Variants in BLTP1 observed in about 807,000 individuals in gnomAD.
BLTP1 encodes the protein bridge-like lipid transfer protein family member 1.
the BLTP1 span, chr4:122,334,415 A>G: frequency 6.2e-7 from 1 of 1,613,036 alleles, no homozygotes; most frequent in Non-Finnish European, 8.5e-7. Flanking sequence ...TGCCAAGAAC[A>G]CTGTCCAAAG....
At chr4:122,173,018 T>G in the BLTP1 span, 17 of 1,611,302 alleles carry the variant, frequency 1.1e-5, no homozygotes, top group Non-Finnish European at 1.4e-5. Context: ...TTATTTCTGA[T>G]TTTTTTCCTC....
At chr4:122,234,648 T>C in the BLTP1 span, 1 of 1,076,946 alleles carries the variant, frequency 9.3e-7, no homozygotes, top group Non-Finnish European at 1.3e-6. Flanking sequence ...TTTGTGTTTG[T>C]GTTTACTTTG....
At chr4:122,264,743 TGAGC>T in the BLTP1 span, among the ~76,000 whole-genome samples, 1 of 152,192 alleles carries the variant, frequency 6.6e-6, no homozygotes, top group African/African-American at 2.4e-5. Context: ...AAGACTTTAT[TGAGC>T]GAGCAGTGGG....
At chr4:122,287,686 G>A in the BLTP1 span, 4 of 984,996 alleles carry the variant, frequency 4.1e-6, no homozygotes, top group African/African-American at 1.7e-5. Context: ...TTATAACTGC[G>A]GGGGACATAT....
chr4:122,226,882 TA>T, the BLTP1 span: 1 of 1,439,906 alleles, frequency 6.9e-7, no homozygotes, highest in Non-Finnish European at 9.4e-7. Flanking sequence ...TTATGAATTT[TA>T]AAAAATGGAA....
chr4:122,302,967 A>T, the BLTP1 span, among the ~76,000 whole-genome samples: 11 of 152,370 alleles, frequency 7.2e-5, no homozygotes, highest in South Asian at 1.4e-3. Flanking sequence ...TTCATAACAT[A>T]AAAGTGCAAA....
At chr4:122,305,728 G>A in the BLTP1 span, 6 of 1,299,344 alleles carry the variant, frequency 4.6e-6, no homozygotes, top group Admixed American at 1.7e-4. Context: ...AGTGTTTATG[G>A]TACAGAGTAT....
the BLTP1 span, among the ~76,000 whole-genome samples, chr4:122,227,988 A>C: frequency 2.0e-5 from 3 of 147,330 alleles, no homozygotes; most frequent in Admixed American, 6.9e-5. Context: ...ATCTCGACTC[A>C]CTGCAAACTC....
the BLTP1 span, chr4:122,362,232 C>A: frequency 1.2e-6 from 2 of 1,611,986 alleles, no homozygotes; most frequent in South Asian, 2.2e-5. Context: ...AAGGCAAAGA[C>A]AAAGAAGAAC....
chr4:122,185,575 G>C, the BLTP1 span: 3 of 402,616 alleles, frequency 7.5e-6, no homozygotes, highest in African/African-American at 6.5e-5. Context: ...TTTTAGTGTT[G>C]TGTATGTTTA....
chr4:122,247,231 A>C, the BLTP1 span: 3 of 1,613,458 alleles, frequency 1.9e-6, no homozygotes, highest in Non-Finnish European at 2.5e-6. Flanking sequence ...TGTTCATGCC[A>C]CAAAGATGCA....
chr4:122,182,743 A>G, the BLTP1 span: 1 of 985,168 alleles, frequency 1.0e-6, no homozygotes, highest in Non-Finnish European at 1.2e-6. Context: ...ATTCACATTC[A>G]CTGCTCCCTT....
the BLTP1 span, chr4:122,346,350 G>A: frequency 7.6e-6 from 4 of 523,720 alleles, no homozygotes; most frequent in Non-Finnish European, 9.8e-6. Flanking sequence ...TGTTAAAATT[G>A]AAAGCTGGCT....
chr4:122,156,044 A>T, the BLTP1 span: 1 of 865,758 alleles, frequency 1.2e-6, no homozygotes, highest in African/African-American at 1.8e-5. Flanking sequence ...TGGGAAACTG[A>T]GTAGATTCTG....
At chr4:122,164,180 CA>C in the BLTP1 span, among the ~76,000 whole-genome samples, 2 of 152,160 alleles carry the variant, frequency 1.3e-5, no homozygotes, top group African/African-American at 4.8e-5. Context: ...TATAGAGTTA[CA>C]GATGACTAGG....
the BLTP1 span, chr4:122,273,270 T>C: frequency 2.0e-6 from 2 of 978,258 alleles, no homozygotes; most frequent in Non-Finnish European, 2.4e-6. Flanking sequence ...TTTACCTGTT[T>C]TGTACCCTAA....
At chr4:122,201,844 A>G in the BLTP1 span, 12 of 981,744 alleles carry the variant, frequency 1.2e-5, no homozygotes, top group Non-Finnish European at 1.5e-5. Flanking sequence ...CCATCCATCC[A>G]TTTGTGCAAC....
the BLTP1 span, chr4:122,208,131 A>T: frequency 1.0e-6 from 1 of 978,378 alleles, no homozygotes; most frequent in Non-Finnish European, 1.2e-6. Context: ...TACTGGTAAA[A>T]TTAGCAACAT....
the BLTP1 span, chr4:122,336,143 A>C: frequency 2.0e-6 from 3 of 1,467,168 alleles, no homozygotes; most frequent in Non-Finnish European, 2.8e-6. Flanking sequence ...TTTCTGTTTA[A>C]TTGGAACTTT....
Sources: gnomAD v4.1 joint callset for allele counts (sites outside exome capture counted in the v4.1 genomes callset) on GRCh38, gnomAD v4.1.1 for gene constraint, MANE v1.5 for transcripts, NCBI Gene and HGNC (gene_info 2026-07-23, HGNC 2026-07-21) for gene names.